TFDP2: variants seen among roughly 807,000 people sequenced by gnomAD.
TFDP2 encodes the protein transcription factor Dp-2 (E2F dimerization partner 2).
Under a neutral mutation model 59.3 loss-of-function variants are expected in TFDP2, and 17 were observed. The observed-to-expected ratio is 0.29, with a 90% confidence interval of 0.20 to 0.43. TFDP2 has a LOEUF of 0.43. Among genes scored for constraint, TFDP2 ranks in the 20% least tolerant of loss-of-function variants. The probability of loss-of-function intolerance (pLI) is 1.00; values close to 1 mark genes in which losing one functional copy is unlikely to be tolerated. For synonymous variants in TFDP2, 180 were observed against 194.7 expected, an observed-to-expected ratio of 0.92 and a Z score of 0.63; for missense variants, 391 against 528.8, an observed-to-expected ratio of 0.74 and a Z score of 2.56.
At chr3:142,094,426 T>C (rs1233199109) in intron 2 of TFDP2, among the ~76,000 whole-genome samples, 8 of 151,796 alleles carry the variant, frequency 5.3e-5, no homozygotes, top group Non-Finnish European at 8.8e-5. Flanking sequence ...TGCCTCAGCC[T>C]CCCAGGTAGC....
At chr3:142,099,643 T>C (rs2061264130) in intron 2 of TFDP2, among the ~76,000 whole-genome samples, 1 of 150,606 alleles carries the variant, frequency 6.6e-6, no homozygotes, top group Admixed American at 6.7e-5. Flanking sequence ...GAGGTTGCAG[T>C]GAGCTGAGAT....
intron 6 of TFDP2, among the ~76,000 whole-genome samples, chr3:141,979,843 C>T (rs1430959170): frequency 1.3e-5 from 2 of 152,010 alleles, no homozygotes; most frequent in African/African-American, 4.8e-5. Flanking sequence ...CCTGCCTCGG[C>T]CTCCCAAAGT....
chr3:142,002,325 T>TTTG (rs1342758596), intron 4 of TFDP2, among the ~76,000 whole-genome samples: 1 of 147,810 alleles, frequency 6.8e-6, no homozygotes, highest in Non-Finnish European at 1.5e-5. Context: ...GTGTTTTTTT[T>TTTG]TTTTTTTTTT....
intron 1 of TFDP2, among the ~76,000 whole-genome samples, chr3:142,142,769 A>G (rs2063004915): frequency 1.3e-5 from 2 of 152,252 alleles, no homozygotes; most frequent in Admixed American, 1.3e-4. Flanking sequence ...AGACCAATGG[A>G]CAGAACAGAG....
At chr3:142,049,020 G>C (rs1947481579) in intron 3 of TFDP2, among the ~76,000 whole-genome samples, 2 of 152,150 alleles carry the variant, frequency 1.3e-5, no homozygotes, top group Non-Finnish European at 2.9e-5. Context: ...GCTTCTTGTA[G>C]TTCCTGGCAT....
At chr3:141,966,236 G>A (rs536418163) in intron 9 of TFDP2, among the ~76,000 whole-genome samples, 8 of 151,768 alleles carry the variant, frequency 5.3e-5, no homozygotes, top group South Asian at 2.1e-4. Context: ...ACAGTGGCAC[G>A]ATCTCAGCTC....
At chr3:142,032,053 G>C (rs1445821269) in intron 3 of TFDP2, among the ~76,000 whole-genome samples, 2 of 151,912 alleles carry the variant, frequency 1.3e-5, no homozygotes, top group East Asian at 1.9e-4. Context: ...TTTCCTGTTT[G>C]CCTGCTGCTC....
chr3:142,136,837 C>T (rs985559230), intron 1 of TFDP2, among the ~76,000 whole-genome samples: 1 of 151,956 alleles, frequency 6.6e-6, no homozygotes, highest in African/African-American at 2.4e-5. Flanking sequence ...CCTCCAGCTT[C>T]GTTCTTTTTG....
At chr3:142,038,351 T>A (rs1353730604) in intron 3 of TFDP2, among the ~76,000 whole-genome samples, 2 of 122,700 alleles carry the variant, frequency 1.6e-5, no homozygotes, top group Non-Finnish European at 3.1e-5. Context: ...ACCACTGTAC[T>A]CCAGCCTGGG....
intron 3 of TFDP2, among the ~76,000 whole-genome samples, chr3:142,019,244 A>T (rs1459389961): frequency 6.6e-6 from 1 of 151,504 alleles, no homozygotes; most frequent in African/African-American, 2.4e-5. Flanking sequence ...TTGTATTTTT[A>T]GTAGAGACGG....
intron 3 of TFDP2, among the ~76,000 whole-genome samples, chr3:142,043,342 C>T (rs765170665): frequency 1.3e-5 from 2 of 151,994 alleles, no homozygotes; most frequent in Admixed American, 1.3e-4. Flanking sequence ...CCACCGCGCC[C>T]GGCCGCTTAT....
At chr3:141,957,824 G>C (rs1369095242) in intron 11 of TFDP2, among the ~76,000 whole-genome samples, 1 of 152,172 alleles carries the variant, frequency 6.6e-6, no homozygotes, top group African/African-American at 2.4e-5. Flanking sequence ...GGAGAATGGG[G>C]GAATAGAGAC....
At chr3:142,021,253 C>G (rs1945577343) in intron 3 of TFDP2, among the ~76,000 whole-genome samples, 1 of 152,144 alleles carries the variant, frequency 6.6e-6, no homozygotes, top group South Asian at 2.1e-4. Flanking sequence ...ACCTCTGGAA[C>G]CTTCCTCTTT....
At chr3:141,993,395 A>T in intron 6 of TFDP2, 143 bp downstream of exon 6, 1 of 521,634 alleles carries the variant, frequency 1.9e-6, no homozygotes, top group Non-Finnish European at 3.5e-6. Context: ...GGGGCACTCA[A>T]TGCAGAATGA....
intron 3 of TFDP2, among the ~76,000 whole-genome samples, chr3:142,092,251 C>T (rs1576961063): frequency 6.6e-6 from 1 of 152,288 alleles, no homozygotes; most frequent in African/African-American, 2.4e-5. Context: ...TCTCTATATA[C>T]CACAAGATAT....
chr3:142,042,416 T>A (rs558191640), intron 3 of TFDP2, among the ~76,000 whole-genome samples: 17 of 151,440 alleles, frequency 1.1e-4, no homozygotes, highest in Non-Finnish European at 1.9e-4. Flanking sequence ...CTCAGCCTCC[T>A]GAGAAGCTGG....
chr3:142,001,963 C>T (rs1480672393), intron 4 of TFDP2, among the ~76,000 whole-genome samples: 1 of 150,080 alleles, frequency 6.7e-6, no homozygotes. Flanking sequence ...CCTTAGTCTC[C>T]TGAGTGGCTA....
intron 3 of TFDP2, among the ~76,000 whole-genome samples, chr3:142,062,645 T>C (rs1012968445): frequency 2.0e-5 from 3 of 151,984 alleles, no homozygotes. Flanking sequence ...ATCCTAGGTG[T>C]ATGCCCTGTA....
At chr3:141,977,107 T>TATATATATATATATA (rs1491255094) in intron 7 of TFDP2, among the ~76,000 whole-genome samples, 43 of 86,644 alleles carry the variant, frequency 5.0e-4, no homozygotes, top group African/African-American at 1.9e-3. Context: ...TATATATATA[T>TATATATATATATATA]TTTTTTTTTT....
Sources: gnomAD v4.1 joint callset for allele counts (sites outside exome capture counted in the v4.1 genomes callset) on GRCh38, gnomAD v4.1.1 for gene constraint, MANE v1.5 for transcripts, NCBI Gene and HGNC (gene_info 2026-07-23, HGNC 2026-07-21) for gene names.